Variants in OCLN observed in about 807,000 individuals in gnomAD.
OCLN encodes the protein occludin, also known as phosphatase 1, regulatory subunit 115.
A neutral mutation model predicts 47.9 loss-of-function variants in OCLN; 21 were observed. The ratio of observed to expected loss-of-function variants is 0.44; its 90% CI spans 0.31 to 0.63. The LOEUF (loss-of-function observed/expected upper bound fraction) is 0.63. Among genes scored for constraint, OCLN ranks in the 30% least tolerant of loss-of-function variants. OCLN has a pLI of 0.08. For missense variants in OCLN, 360 were observed against 571.0 expected (o/e 0.63, Z 3.77); for synonymous variants, 117 against 198.4 (o/e 0.59, Z 3.45).
Position 69,521,474 on chromosome 5 carries a change from A to C in OCLN, c.891+7365A>C, listed in dbSNP as rs575308410. Among the ~76,000 whole-genome samples, 23 of 152,294 alleles carry C rather than the reference A, an allele frequency of 1.5e-4. 1 individual carries two copies. The highest frequency in any genetic ancestry group is 7.2e-4 in the Admixed American group (11 of 15,292). ...AACTAGTCATTGAGTGTGCACACTT[A>C]AAATTTTACTAGGTTAGCTGGGCAT... On this transcript the variant is annotated intron_variant, in intron 4 of 8. Coordinates refer to ENST00000396442, the MANE Select transcript of OCLN (RefSeq NM_001205254.2).
chr5:69,513,138 ATGTCAC>A (rs2111987488), intron 3 of OCLN, among the ~76,000 whole-genome samples: 1 of 152,290 alleles, frequency 6.6e-6, no homozygotes, highest in African/African-American at 2.4e-5. Flanking sequence ...TTGAAAAATG[ATGTCAC>A]TGTCAAGACA....
intron 4 of OCLN, among the ~76,000 whole-genome samples, chr5:69,515,041 A>G (rs1470709734): frequency 6.6e-6 from 1 of 152,010 alleles, no homozygotes; most frequent in African/African-American, 2.4e-5. Context: ...GCTGTTGGGT[A>G]CACCTCCCAG....
Position 69,509,387 on chromosome 5 carries a change from A to AG in OCLN, c.299dup (p.Ser101Ter). ...GAGGCTATGGAACTTCCCTTTTAGGAGGTAGTGTAGGCTACCCTTATGGAG... is the reference window on the plus strand; with the variant it reads ...GAGGCTATGGAACTTCCCTTTTAGGAGGGTAGTGTAGGCTACCCTTATGGAG... On this transcript the variant is annotated frameshift_variant, in exon 3 of 9. Transcript: ENST00000396442. LOFTEE classifies it high-confidence loss of function. 1 of 1,614,072 alleles carries AG rather than the reference A, an allele frequency of 6.2e-7. No individual in the cohort carries two copies. Among genetic ancestry groups the AG allele is most frequent in the Non-Finnish European group, 8.5e-7 (1 of 1,180,020 alleles).
At chr5:69,538,082 G>A (rs185979339) in intron 5 of OCLN, among the ~76,000 whole-genome samples, 95 of 146,658 alleles carry the variant, frequency 6.5e-4, no homozygotes, top group African/African-American at 2.3e-3. Flanking sequence ...TAGCATAGTC[G>A]TTTATTGTCA....
rs1769929044 is a variant in OCLN at position 69,554,760 on chromosome 5, T to C, written c.*1089T>C. 6.6e-6 allele frequency: 1 copy of C among 151,850 alleles called. No individual in the cohort carries two copies. Among genetic ancestry groups the C allele is most frequent in the Non-Finnish European group, 1.5e-5 (1 of 67,968 alleles). 9.4% of individuals were successfully genotyped at this position (151,850 alleles called of 1,614,324 possible). On this transcript the variant is annotated 3_prime_UTR_variant, in exon 9 of 9. Transcript: ENST00000396442. ...CCACGAAATACCAAATAATTTCAAA[T>C]GGTGCCCTTAAATTGTATCACTTTT... is the stretch of plus-strand genomic sequence containing the variant.
intron 4 of OCLN, among the ~76,000 whole-genome samples, chr5:69,521,903 T>G (rs1320979811): frequency 6.6e-6 from 1 of 152,226 alleles, no homozygotes; most frequent in Non-Finnish European, 1.5e-5. Flanking sequence ...TGTTCGTTCT[T>G]TCCTGACTAG....
chr5:69,511,326 G>A (rs1033639756), intron 3 of OCLN, among the ~76,000 whole-genome samples: 4 of 150,970 alleles, frequency 2.6e-5, no homozygotes, highest in East Asian at 2.0e-4. Context: ...CTCGTGATCC[G>A]CCCGCCTCGG....
rs765029327 is a variant in OCLN, at chr5:69,509,527, C to T, written c.437C>T (p.Ala146Val). 3.7e-6 allele frequency: 6 copies of T among 1,614,164 alleles called. No homozygotes were observed. The East Asian group carries it at 1.1e-4, about 30-fold the overall frequency. ...AAKGFMLAMA[A>V]FCFIAALVIF... is the part of the protein sequence containing the mutation. ...AAGGGCTTCATGTTGGCCATGGCTG[C>T]CTTTTGTTTCATTGCCGCGTTGGTG... Residue 146 changes from alanine (A) to valine (V), a missense_variant, in exon 3 of 9, where the codon GCC (alanine) becomes GTC (valine). Ala to Val is a moderately conservative substitution (Grantham distance 64). Coordinates refer to ENST00000396442, the MANE Select transcript of OCLN (RefSeq NM_001205254.2).
chr5:69,518,345 A>G (rs891155929), intron 4 of OCLN, among the ~76,000 whole-genome samples: 10 of 152,172 alleles, frequency 6.6e-5, no homozygotes, highest in Admixed American at 3.9e-4. Context: ...TGCCCAAACT[A>G]ATGTTTTATG....
At chr5:69,520,431 G>T (rs1276041039) in intron 4 of OCLN, among the ~76,000 whole-genome samples, 1 of 150,808 alleles carries the variant, frequency 6.6e-6, no homozygotes, top group Non-Finnish European at 1.5e-5. Flanking sequence ...CTCCCAAGTA[G>T]CTGGGATTAC....
At chr5:69,496,942 C>T (rs897787997) in intron 1 of OCLN, among the ~76,000 whole-genome samples, 5 of 151,994 alleles carry the variant, frequency 3.3e-5, no homozygotes, top group African/African-American at 1.2e-4. Flanking sequence ...GATAAGTGGC[C>T]TCTTCATTCT....
intron 4 of OCLN, chr5:69,530,525 A>C (rs1324643150): frequency 1.3e-5 from 2 of 152,208 alleles, no homozygotes; most frequent in African/African-American, 4.8e-5. Flanking sequence ...AGAGGAAAAA[A>C]AATGATCGTA....
intron 4 of OCLN, among the ~76,000 whole-genome samples, chr5:69,519,497 G>A (rs1314189593): frequency 6.6e-6 from 1 of 151,914 alleles, no homozygotes; most frequent in Non-Finnish European, 1.5e-5. Context: ...CTTGTTCCTT[G>A]TAAAATAAAC....
At chr5:69,502,191 C>T (rs1456844834) in intron 1 of OCLN, among the ~76,000 whole-genome samples, 5 of 143,508 alleles carry the variant, frequency 3.5e-5, no homozygotes, top group East Asian at 4.0e-4. Context: ...GAGCGAGACT[C>T]GGCTCAAAAA....
At chr5:69,517,314 ATTTTT>A (rs58026583) in intron 4 of OCLN, among the ~76,000 whole-genome samples, 55 of 131,926 alleles carry the variant, frequency 4.2e-4, no homozygotes, top group African/African-American at 1.7e-3. Context: ...ATATATATAT[ATTTTT>A]TTTTTTTTTG....
intron 4 of OCLN, among the ~76,000 whole-genome samples, chr5:69,521,151 C>G (rs1035400598): frequency 7.2e-5 from 11 of 152,098 alleles, no homozygotes; most frequent in African/African-American, 2.7e-4. Context: ...TATTTTAAAC[C>G]CAAAAATTGG....
intron 5 of OCLN, among the ~76,000 whole-genome samples, chr5:69,536,115 C>CTAAATAAATAAA (rs199733932): frequency 1.8e-4 from 27 of 151,306 alleles, no homozygotes; most frequent in Non-Finnish European, 3.8e-4. Context: ...GAAGCTCCAT[C>CTAAATAAATAAA]TAAATAAATA....
At chr5:69,503,751 C>G (rs981186809) in intron 1 of OCLN, among the ~76,000 whole-genome samples, 1 of 152,090 alleles carries the variant, frequency 6.6e-6, no homozygotes, top group Non-Finnish European at 1.5e-5. Context: ...ATCTACAATT[C>G]CACCATTTAT....
In OCLN at chr5:69,509,443, A is replaced by G. The variant is rs973110252; in HGVS notation, c.353A>G (p.Tyr118Cys). 3 of 1,613,794 alleles carry G rather than the reference A, an allele frequency of 1.9e-6. No homozygotes were observed. The highest frequency in any genetic ancestry group is 1.7e-6 in the Non-Finnish European group (2 of 1,179,828). ...GGCTTTGGTAGCTACGGAAGTGGCTATGGCTATGGCTATGGTTATGGCTAT... is the reference window on the plus strand; with the variant it reads ...GGCTTTGGTAGCTACGGAAGTGGCTGTGGCTATGGCTATGGTTATGGCTAT... ...GSGFGSYGSGYGYGYGYGYGY... is the reference protein window; with the variant it reads ...GSGFGSYGSGCGYGYGYGYGY... The change falls in exon 3 of 9, where the codon TAT (tyrosine) becomes TGT (cysteine). Residue 118 changes from tyrosine (Y) to cysteine (C), a missense_variant. Around this residue, in one of 3 missense-constraint regions of OCLN, gnomAD observed 314 missense variants for 368.1 expected, o/e 0.85. Coordinates refer to ENST00000396442, the MANE Select transcript of OCLN (RefSeq NM_001205254.2).
Sources: allele counts gnomAD v4.1 joint callset (sites outside exome capture counted in the v4.1 genomes callset), GRCh38; gene constraint gnomAD v4.1.1; regional missense constraint gnomAD v4.1.1; transcripts MANE v1.5; gene names NCBI Gene and HGNC (gene_info 2026-07-23, HGNC 2026-07-21).